Variants in ODAD2 observed in about 807,000 individuals in gnomAD.
ODAD2 encodes outer dynein arm-docking complex subunit 2.
A neutral mutation model predicts 106.8 loss-of-function variants in ODAD2; 89 were observed. That is an observed-to-expected ratio of 0.83 (90% confidence interval 0.70 to 0.99). The LOEUF (loss-of-function observed/expected upper bound fraction) is 0.99, where lower values mean the gene tolerates loss of function less well. Ranked by LOEUF, ODAD2 falls within the 50% of genes least tolerant of loss-of-function variation. The probability of loss-of-function intolerance (pLI) is 0.00; values close to 1 mark genes in which losing one functional copy is unlikely to be tolerated. For synonymous variants in ODAD2, 404 were observed against 436.2 expected (o/e 0.93, Z 0.92); for missense variants, 1,168 against 1,238.5 (o/e 0.94, Z 0.85).
chr10:27,953,612 A>G lies in ODAD2; in HGVS notation c.1386+7956T>C, dbSNP rs543995261. 2.0e-5 allele frequency among the ~76,000 whole-genome samples: 3 copies of G among 152,348 alleles called. No homozygotes were observed. In the South Asian group the frequency reaches 6.2e-4, roughly 32 times the overall value. ...ACATTTAATGAAATACTATGTAGTC[A>G]TTAAAAGGAGTGAGGCAGATATGAA... On this transcript the variant is annotated intron_variant, in intron 10 of 19. Transcript: ENST00000305242.
Position 27,944,889 on chromosome 10 carries a change from T to A in ODAD2, c.1460A>T (p.Gln487Leu), listed in dbSNP as rs773452157. 95 of 1,614,056 alleles carry A rather than the reference T, an allele frequency of 5.9e-5. No individual in the cohort carries two copies. In the Admixed American group the frequency reaches 1.4e-3, roughly 25 times the overall value. Reference protein sequence around the residue: ...RDFSLAQETCQLAIRDVGGLE... With the variant: ...RDFSLAQETCLLAIRDVGGLE... ...GCCTCCAACATCTCTGATGGCCAAC[T>A]GGCAGGTTTCTTGAGCTAAGCTGAA... The change falls in exon 11 of 20, where the codon CAG (glutamine) becomes CTG (leucine). Residue 487 changes from glutamine (Q) to leucine (L), a missense_variant. By Grantham distance (113) the Gln-to-Leu change is moderately radical. Around this residue, in one of 3 missense-constraint regions of ODAD2, gnomAD observed 701 missense variants for 712.3 expected, o/e 0.98. Coordinates refer to ENST00000305242, the MANE Select transcript of ODAD2 (RefSeq NM_018076.5).
intron 14 of ODAD2, among the ~76,000 whole-genome samples, chr10:27,937,426 C>T (rs1271409184): frequency 6.6e-6 from 1 of 151,544 alleles, no homozygotes; most frequent in Non-Finnish European, 1.5e-5. Flanking sequence ...CAACCTCCAC[C>T]TCCTGGGTTC....
chr10:27,860,618 A>G lies in ODAD2; in HGVS notation c.3021+7T>C. ...TTGGACTAAACCACAAAGTCATTCA[A>G]CTGTACCTTTACTGCACCATTCTCA... On this transcript the variant is annotated splice_region_variant and intron_variant, in intron 19 of 19. Coordinates refer to ENST00000305242, the MANE Select transcript of ODAD2 (RefSeq NM_018076.5). 6.2e-7 allele frequency: 1 copy of G among 1,612,998 alleles called. No homozygotes were observed. Among genetic ancestry groups the G allele is most frequent in the East Asian group, 2.2e-5 (1 of 44,850 alleles).
chr10:27,833,174 C>T (rs1406224849), intron 19 of ODAD2, among the ~76,000 whole-genome samples: 1 of 152,148 alleles, frequency 6.6e-6, no homozygotes, highest in African/African-American at 2.4e-5. Context: ...CTCTGGGATG[C>T]ATTCTCAAAT....
At chr10:27,965,830 A>T (rs1365498787) in intron 9 of ODAD2, among the ~76,000 whole-genome samples, 1 of 152,220 alleles carries the variant, frequency 6.6e-6, no homozygotes, top group African/African-American at 2.4e-5. Flanking sequence ...CAATTATAAA[A>T]AGACTTACGA....
Position 27,971,241 on chromosome 10 carries a change from C to G in ODAD2, c.1009G>C (p.Ala337Pro), listed in dbSNP as rs1224417774. ...LGKAPKKEEAAALRKDISGSD... is the reference protein window; with the variant it reads ...LGKAPKKEEAPALRKDISGSD... ...CCAGAAATGTCTTTGCGGAGGGCAG[C>G]TGCTTCTTCCTTCTTGGGGGCTTTG... The change falls in exon 8 of 20, where the codon GCT (alanine) becomes CCT (proline). Residue 337 changes from alanine (A) to proline (P), a missense_variant. Physicochemically the swap from Ala to Pro is conservative, Grantham distance 27 (BLOSUM62 -1). Coordinates refer to ENST00000305242, the MANE Select transcript of ODAD2 (RefSeq NM_018076.5). 1 of 1,613,814 alleles carries G rather than the reference C, an allele frequency of 6.2e-7. No homozygotes were observed. Among genetic ancestry groups the G allele is most frequent in the Non-Finnish European group, 8.5e-7 (1 of 1,179,904 alleles).
At chr10:27,885,690 T>A (rs1842104582) in intron 17 of ODAD2, among the ~76,000 whole-genome samples, 2 of 58,912 alleles carry the variant, frequency 3.4e-5, no homozygotes, top group Non-Finnish European at 6.0e-5. Context: ...TAATATATAA[T>A]ATATAATATA....
At chr10:27,867,681 G>A (rs527314159) in intron 17 of ODAD2, among the ~76,000 whole-genome samples, 2 of 152,298 alleles carry the variant, frequency 1.3e-5, no homozygotes, top group East Asian at 3.9e-4. Context: ...TGGGTGCAGT[G>A]GCTCACGCCT....
intron 16 of ODAD2, among the ~76,000 whole-genome samples, chr10:27,919,716 G>C (rs1844639571): frequency 6.6e-6 from 1 of 152,110 alleles, no homozygotes; most frequent in Non-Finnish European, 1.5e-5. Flanking sequence ...GTACTATTTG[G>C]AAGTTTCTAG....
At chr10:27,972,910 T>C (rs916665044) in intron 7 of ODAD2, among the ~76,000 whole-genome samples, 18 of 152,230 alleles carry the variant, frequency 1.2e-4, no homozygotes, top group African/African-American at 3.6e-4. Context: ...CTTGGCTTAA[T>C]TGACATTTAA....
intron 17 of ODAD2, among the ~76,000 whole-genome samples, chr10:27,881,858 T>A (rs1187932252): frequency 6.6e-6 from 1 of 152,110 alleles, no homozygotes; most frequent in Non-Finnish European, 1.5e-5. Context: ...TATAATTACT[T>A]GGGGTGATTT....
chr10:27,936,936 T>C, intron 14 of ODAD2, 56 bp from the exon 15 acceptor site: 1 of 1,534,038 alleles, frequency 6.5e-7, no homozygotes, highest in Non-Finnish European at 8.7e-7. Flanking sequence ...AAGCTTTCAA[T>C]GATGCTAAAA....
intron 17 of ODAD2, among the ~76,000 whole-genome samples, chr10:27,869,707 G>T (rs550977342): frequency 2.2e-4 from 34 of 151,926 alleles, no homozygotes; most frequent in African/African-American, 8.0e-4. Context: ...GCTAATTTTT[G>T]TATTTTTAGT....
chr10:27,939,888 T>A lies in ODAD2; in HGVS notation c.2097+9A>T, dbSNP rs1320925348. The A allele has an allele frequency of 6.4e-7, 1 of 1,566,230 alleles. No individual in the cohort carries two copies. Among genetic ancestry groups the A allele is most frequent in the Non-Finnish European group, 8.7e-7 (1 of 1,149,272 alleles). On this transcript the variant is annotated intron_variant, in intron 14 of 19. Transcript: ENST00000305242. ...GAACGCCAACAACCGCTGGGAGAGTTCACTGCACCTGGTAAATGGCCATGG... is the reference window on the plus strand; with the variant it reads ...GAACGCCAACAACCGCTGGGAGAGTACACTGCACCTGGTAAATGGCCATGG...
chr10:27,944,192 G>A (rs765227802), intron 12 of ODAD2, 30 bp downstream of exon 12: 24 of 1,580,722 alleles, frequency 1.5e-5, no homozygotes, highest in East Asian at 4.6e-5. Context: ...GCTGGCACTA[G>A]ATGACGATGA....
chr10:27,984,043 G>A, intron 5 of ODAD2, 64 bp from the exon 6 acceptor site: 1 of 1,564,162 alleles, frequency 6.4e-7, no homozygotes, highest in Admixed American at 2.0e-5. Context: ...AAAAGTGTTG[G>A]CTTCCACAAA....
chr10:27,937,967 C>T (rs1846109653), intron 14 of ODAD2, among the ~76,000 whole-genome samples: 1 of 151,922 alleles, frequency 6.6e-6, no homozygotes, highest in Non-Finnish European at 1.5e-5. Flanking sequence ...TTTTTTAGAT[C>T]GAGTTGCTCT....
rs369323142 is a variant in ODAD2 at position 27,931,124 on chromosome 10, AAAAG to A, written c.2495+3882_2495+3885del. Among the ~76,000 whole-genome samples the A allele has an allele frequency of 3.2e-3, 485 of 152,224 alleles. 5 individuals carry two copies. Among genetic ancestry groups the A allele is most frequent in the East Asian group, 0.028 (146 of 5,180 alleles). The stretch of plus-strand genomic sequence containing the variant: ...CCCCTAATCTCTGCTCTCTTAAAAA[AAAAG>A]AAAGAAAGAAAGAAAGAAAGGTTGA... On this transcript the variant is annotated intron_variant, in intron 16 of 19. Coordinates refer to ENST00000305242, the MANE Select transcript of ODAD2 (RefSeq NM_018076.5).
intron 10 of ODAD2, among the ~76,000 whole-genome samples, chr10:27,952,504 A>AT (rs1055191514): frequency 9.2e-5 from 14 of 151,846 alleles, no homozygotes; most frequent in African/African-American, 3.4e-4. Context: ...CATCACCTAG[A>AT]TTTTCAGCCC....
Sources: allele counts gnomAD v4.1 joint callset (sites outside exome capture counted in the v4.1 genomes callset), GRCh38; gene constraint gnomAD v4.1.1; regional missense constraint gnomAD v4.1.1; transcripts MANE v1.5; gene names NCBI Gene and HGNC (gene_info 2026-07-23, HGNC 2026-07-21).